Variants in CA10 observed in about 807,000 individuals in gnomAD.
CA10 encodes carbonic anhydrase-related protein 10.
In CA10, 14 loss-of-function variants were observed where a neutral mutation model predicts 44.2. The observed-to-expected ratio is 0.32, with a 90% CI of 0.21 to 0.50. The LOEUF (loss-of-function observed/expected upper bound fraction) is 0.50, where lower values mean the gene tolerates loss of function less well. Ranked by LOEUF, CA10 falls within the 20% of genes least tolerant of loss-of-function variation. The pLI, the probability that CA10 is intolerant of heterozygous loss-of-function variation, is 0.99. For missense variants in CA10, 350 were observed against 409.7 expected (o/e 0.85, Z 1.26); for synonymous variants, 159 against 141.6 (o/e 1.12, Z -0.87).
chr17:51,663,270 T>TC (rs374265268), intron 4 of CA10, among the ~76,000 whole-genome samples: 151,284 of 151,286 alleles, frequency 1, 75,641 homozygotes, highest in Middle Eastern at 1. Flanking sequence ...GGCCTTCGCA[T>TC]CCTTCAACTT....
intron 3 of CA10, among the ~76,000 whole-genome samples, chr17:51,872,231 A>G (rs908629016): frequency 2.0e-5 from 3 of 152,212 alleles, no homozygotes; most frequent in East Asian, 1.9e-4. Context: ...AGCACAAAGA[A>G]TAGGGTTTAT....
At chr17:51,986,413 C>T (rs1984838876) in intron 2 of CA10, among the ~76,000 whole-genome samples, 1 of 151,966 alleles carries the variant, frequency 6.6e-6, no homozygotes, top group Non-Finnish European at 1.5e-5. Flanking sequence ...CAGAAGATAA[C>T]ATCAGAGAAA....
At chr17:51,920,555 A>G (rs910441017) in intron 3 of CA10, among the ~76,000 whole-genome samples, 1 of 152,232 alleles carries the variant, frequency 6.6e-6, no homozygotes, top group African/African-American at 2.4e-5. Context: ...AGAGACACTT[A>G]TGAAATACTA....
At chr17:51,727,300 T>C (rs1338624856) in intron 4 of CA10, among the ~76,000 whole-genome samples, 2 of 152,164 alleles carry the variant, frequency 1.3e-5, no homozygotes, top group East Asian at 3.8e-4. Context: ...CTTCCCCCCA[T>C]CTCTGATGAG....
chr17:52,156,009 A>G (rs1989796985), intron 1 of CA10, among the ~76,000 whole-genome samples: 1 of 152,134 alleles, frequency 6.6e-6, no homozygotes, highest in Non-Finnish European at 1.5e-5. Flanking sequence ...TGCCTGGCGA[A>G]ATTCAGGGTA....
At chr17:51,768,701 A>G (rs749674256) in intron 3 of CA10, among the ~76,000 whole-genome samples, 38 of 152,178 alleles carry the variant, frequency 2.5e-4, no homozygotes, top group Non-Finnish European at 4.3e-4. Flanking sequence ...CTTTAACTTT[A>G]TAGAAAACTT....
intron 1 of CA10, among the ~76,000 whole-genome samples, chr17:52,092,453 C>T (rs537278382): frequency 1.3e-5 from 2 of 152,150 alleles, no homozygotes; most frequent in Non-Finnish European, 2.9e-5. Flanking sequence ...GATGGCTGTT[C>T]GGTAATGAGT....
chr17:51,791,648 T>C (rs1906522457), intron 3 of CA10, among the ~76,000 whole-genome samples: 1 of 152,206 alleles, frequency 6.6e-6, no homozygotes, highest in Non-Finnish European at 1.5e-5. Flanking sequence ...TGAATCCCCA[T>C]GTCTGGGGCA....
At chr17:51,817,731 T>C (rs1907620265) in intron 3 of CA10, among the ~76,000 whole-genome samples, 1 of 152,208 alleles carries the variant, frequency 6.6e-6, no homozygotes. Context: ...AGCTGGTTTG[T>C]CCCATATCTT....
At chr17:51,631,787 A>G (rs1190227672) in intron 8 of CA10, among the ~76,000 whole-genome samples, 181 bp from the exon 9 acceptor site, 1 of 152,224 alleles carries the variant, frequency 6.6e-6, no homozygotes, top group Non-Finnish European at 1.5e-5. Context: ...TTCTAGGCCT[A>G]TACTGACCAA....
chr17:51,814,624 G>C (rs1907496772), intron 3 of CA10, among the ~76,000 whole-genome samples: 1 of 152,156 alleles, frequency 6.6e-6, no homozygotes, highest in Admixed American at 6.5e-5. Flanking sequence ...CATAAAACTA[G>C]GTTTTCTGGT....
chr17:52,060,160 C>A (rs1421973229), intron 2 of CA10, among the ~76,000 whole-genome samples: 4 of 152,104 alleles, frequency 2.6e-5, no homozygotes, highest in East Asian at 3.9e-4. Context: ...CTCCAGGGAA[C>A]CTTTCCCCAA....
At chr17:52,071,916 G>A (rs1002703143) in intron 2 of CA10, among the ~76,000 whole-genome samples, 8 of 152,144 alleles carry the variant, frequency 5.3e-5, no homozygotes, top group South Asian at 2.1e-4. Flanking sequence ...GATACTTGGC[G>A]CGATGTGCTA....
intron 3 of CA10, among the ~76,000 whole-genome samples, chr17:51,919,260 G>A (rs1427382636): frequency 6.6e-6 from 1 of 152,130 alleles, no homozygotes; most frequent in Non-Finnish European, 1.5e-5. Context: ...GGTTTACATA[G>A]AACAACTTTG....
chr17:51,852,119 G>A (rs957651322), intron 3 of CA10, among the ~76,000 whole-genome samples: 4 of 152,200 alleles, frequency 2.6e-5, no homozygotes, highest in Admixed American at 1.3e-4. Flanking sequence ...CCAGCATCAT[G>A]CAGCCTTTAA....
chr17:51,969,374 T>A (rs988501905), intron 2 of CA10, among the ~76,000 whole-genome samples: 4 of 152,080 alleles, frequency 2.6e-5, no homozygotes, highest in Non-Finnish European at 4.4e-5. Flanking sequence ...AGTTCACGTA[T>A]CTGGTAAGTG....
intron 3 of CA10, among the ~76,000 whole-genome samples, chr17:51,831,733 A>AGCAGCAGCCGCCGCCGCCGCCGC (rs1567854687): frequency 8.2e-6 from 1 of 121,522 alleles, no homozygotes; most frequent in African/African-American, 4.1e-5. Flanking sequence ...GCAGCAGCAG[A>AGCAGCAGCCGCCGCCGCCGCCGC]AAAAGACCTT....
intron 3 of CA10, among the ~76,000 whole-genome samples, chr17:51,840,654 C>G (rs1978312244): frequency 6.6e-6 from 1 of 152,068 alleles, no homozygotes; most frequent in African/African-American, 2.4e-5. Flanking sequence ...ATGATGATTT[C>G]AGTTTTGAAT....
intron 2 of CA10, among the ~76,000 whole-genome samples, chr17:51,959,797 G>GAAAAAAAAAAAAAAAAAAAGAAAAA (rs3062037): frequency 8.9e-6 from 1 of 112,372 alleles, no homozygotes; most frequent in African/African-American, 3.3e-5. Flanking sequence ...CTGCTAAGAT[G>GAAAAAAAAAAAAAAAAAAAGAAAAA]AAAAAAAAAA....
Sources: gnomAD v4.1 joint callset for allele counts (sites outside exome capture counted in the v4.1 genomes callset) on GRCh38, gnomAD v4.1.1 for gene constraint, MANE v1.5 for transcripts, NCBI Gene and HGNC (gene_info 2026-07-23, HGNC 2026-07-21) for gene names.